Variants in VPS13D observed in about 807,000 individuals in gnomAD.
VPS13D encodes the protein intermembrane lipid transfer protein VPS13D.
In VPS13D, 187 loss-of-function variants were observed where a neutral mutation model predicts 461.9. The ratio of observed to expected loss-of-function variants is 0.40; its 90% CI spans 0.36 to 0.46. The LOEUF (loss-of-function observed/expected upper bound fraction) is 0.46, where lower values mean the gene tolerates loss of function less well. Among genes scored for constraint, VPS13D ranks in the 20% least tolerant of loss-of-function variants. The probability of loss-of-function intolerance (pLI) is 0.60; values close to 1 mark genes in which losing one functional copy is unlikely to be tolerated. For missense variants in VPS13D, 4,711 were observed against 5,364.9 expected (o/e 0.88, Z 3.81); for synonymous variants, 1,951 against 1,986.3 (o/e 0.98, Z 0.47).
intron 24 of VPS13D, among the ~76,000 whole-genome samples, chr1:12,294,993 G>A (rs1477496154): frequency 6.6e-6 from 1 of 151,992 alleles, no homozygotes. Context: ...GGGGCGAGGC[G>A]GGCAAATCAC....
chr1:12,297,614 T>C (rs1482255074), intron 24 of VPS13D, among the ~76,000 whole-genome samples: 1 of 152,216 alleles, frequency 6.6e-6, no homozygotes, highest in African/African-American at 2.4e-5. Flanking sequence ...ATTATTTATA[T>C]TAATGATGCT....
chr1:12,472,093 A>G (rs576961162), intron 67 of VPS13D, among the ~76,000 whole-genome samples: 138 of 152,254 alleles, frequency 9.1e-4, no homozygotes, highest in African/African-American at 3.1e-3. Flanking sequence ...CTATTTTTCT[A>G]TAGTAGTACT....
chr1:12,326,009 T>A (rs1045320569), intron 35 of VPS13D, among the ~76,000 whole-genome samples: 39 of 151,400 alleles, frequency 2.6e-4, no homozygotes, highest in Admixed American at 2.2e-3. Flanking sequence ...TTTTTAAAAT[T>A]TTTTTTGGGG....
intron 55 of VPS13D, among the ~76,000 whole-genome samples, chr1:12,376,888 G>A (rs981687916): frequency 2.6e-5 from 4 of 152,086 alleles, no homozygotes; most frequent in African/African-American, 9.7e-5. Flanking sequence ...AGTTAAGCGT[G>A]CTGACTCTGG....
At chr1:12,321,633 C>T (rs970084754) in intron 32 of VPS13D, among the ~76,000 whole-genome samples, 176 bp from the exon 33 acceptor site, 1 of 152,102 alleles carries the variant, frequency 6.6e-6, no homozygotes, top group Non-Finnish European at 1.5e-5. Flanking sequence ...TGAACCACTG[C>T]GTGTGCTCTC....
Position 12,314,429 on chromosome 1 carries a change from G to C in VPS13D, c.7148+102G>C, listed in dbSNP as rs1404725322. On this transcript the variant is annotated intron_variant, in intron 30 of 69. Coordinates refer to ENST00000620676, the MANE Select transcript of VPS13D (RefSeq NM_015378.4). ...ACATCAAAAAACCAAGGAATCACTA[G>C]ACAGATAAATAGATAATGGCTTAAT... The C allele has an allele frequency of 3.5e-6, 4 of 1,134,144 alleles. No individual in the cohort carries two copies. The African/African-American group carries it at 6.2e-5, about 18-fold the overall frequency. 70.3% of individuals were successfully genotyped at this position (1,134,144 alleles called of 1,614,324 possible).
At chr1:12,260,915 G>A in intron 11 of VPS13D, 33 bp from the exon 12 acceptor site, 4 of 1,613,878 alleles carry the variant, frequency 2.5e-6, no homozygotes, top group Non-Finnish European at 1.7e-6. Flanking sequence ...TTATCTTTGA[G>A]TACTCATCTC....
chr1:12,371,412 C>A (rs1253654123), intron 54 of VPS13D, among the ~76,000 whole-genome samples: 1 of 145,800 alleles, frequency 6.9e-6, no homozygotes, highest in Non-Finnish European at 1.5e-5. Flanking sequence ...TTTTTTGAGA[C>A]CGAGTTTTGC....
intron 63 of VPS13D, among the ~76,000 whole-genome samples, chr1:12,405,445 A>G (rs4845899): frequency 0.026 from 3,927 of 152,272 alleles, 60 homozygotes; most frequent in Middle Eastern, 0.058. Flanking sequence ...TCTGGTCAAC[A>G]TCAGATCACA....
intron 41 of VPS13D, among the ~76,000 whole-genome samples, 189 bp downstream of exon 41, chr1:12,342,074 T>C (rs1643581437): frequency 6.6e-6 from 1 of 152,158 alleles, no homozygotes; most frequent in South Asian, 2.1e-4. Flanking sequence ...GAGAAGCAGG[T>C]CCTGAGTCTA....
At position 12,304,645 on chromosome 1, in the gene VPS13D, A is replaced by G; in HGVS notation, c.6356A>G (p.Lys2119Arg). 1 of 1,614,132 alleles carries G rather than the reference A, an allele frequency of 6.2e-7. No homozygotes were observed. Among genetic ancestry groups the G allele is most frequent in the Non-Finnish European group, 8.5e-7 (1 of 1,180,034 alleles). Residue 2119 changes from lysine (K) to arginine (R), a missense_variant, in exon 26 of 70, where the codon AAG (lysine) becomes AGG (arginine). Physicochemically the swap from Lys to Arg is conservative, Grantham distance 26. Transcript: ENST00000620676. Reference sequence around the variant, plus strand: ...GCTGGAATGAGCCTAGGAAGCCTGAAGAGTGAGTTTGTGCCCAGTACCTCC... The same window carrying G: ...GCTGGAATGAGCCTAGGAAGCCTGAGGAGTGAGTTTGTGCCCAGTACCTCC... Reference protein sequence around the residue: ...PLAGMSLGSLKSEFVPSTSTK... With the variant: ...PLAGMSLGSLRSEFVPSTSTK...
At chr1:12,294,122 T>C (rs2101435735) in intron 24 of VPS13D, among the ~76,000 whole-genome samples, 1 of 152,372 alleles carries the variant, frequency 6.6e-6, no homozygotes, top group Non-Finnish European at 1.5e-5. Flanking sequence ...AAACACCTAA[T>C]GGTATTTCCG....
intron 47 of VPS13D, among the ~76,000 whole-genome samples, chr1:12,354,681 T>C (rs925786869): frequency 6.6e-6 from 1 of 152,368 alleles, no homozygotes; most frequent in East Asian, 1.9e-4. Context: ...AAACTATGCT[T>C]TTCCCAAGCA....
At chr1:12,467,319 A>T (rs1451088280) in intron 67 of VPS13D, among the ~76,000 whole-genome samples, 1 of 152,106 alleles carries the variant, frequency 6.6e-6, no homozygotes, top group Non-Finnish European at 1.5e-5. Flanking sequence ...TGGCAGGCGC[A>T]CGCCACCTCG....
chr1:12,386,719 C>T (rs1644355098), intron 60 of VPS13D, among the ~76,000 whole-genome samples: 1 of 152,144 alleles, frequency 6.6e-6, no homozygotes, highest in African/African-American at 2.4e-5. Flanking sequence ...ACTAAATTTA[C>T]CCTCCCACCT....
At chr1:12,477,239 GT>G (rs1297456106) in intron 67 of VPS13D, among the ~76,000 whole-genome samples, 9 of 148,898 alleles carry the variant, frequency 6.0e-5, no homozygotes, top group Non-Finnish European at 1.2e-4. Flanking sequence ...TATACCTTTG[GT>G]TTGTTTTTGG....
intron 67 of VPS13D, chr1:12,465,331 A>G (rs2100430769): frequency 6.6e-6 from 1 of 152,326 alleles, no homozygotes; most frequent in South Asian, 2.1e-4. Flanking sequence ...TCAAGACCCA[A>G]AAGTGGGGAG....
At position 12,327,734 on chromosome 1, in the gene VPS13D, C is replaced by G. The variant is rs1276636443; in HGVS notation, c.8077C>G (p.Pro2693Ala). 9.3e-6 allele frequency: 15 copies of G among 1,614,140 alleles called. No homozygotes were observed. Among genetic ancestry groups the G allele is most frequent in the Non-Finnish European group, 1.3e-5 (15 of 1,180,024 alleles). Reference sequence around the variant, plus strand: ...CTTGGCCTCCACCAGCCGAGATAGCCCAGGGGCTGTGGCAGCGCCATTGAT... The same window carrying G: ...CTTGGCCTCCACCAGCCGAGATAGCGCAGGGGCTGTGGCAGCGCCATTGAT... ...LSLASTSRDS[P>A]GAVAAPLISG... Residue 2693 changes from proline (P) to alanine (A), a missense_variant, in exon 36 of 70, where the codon CCA (proline) becomes GCA (alanine). This residue lies in a region of VPS13D where 4,411 missense variants were observed against 4,937.8 expected (regional missense o/e 0.89). Transcript: ENST00000620676.
rs1460872061 is a variant in VPS13D at position 12,356,066 on chromosome 1, C to T, written c.9847C>T (p.Pro3283Ser). The change falls in exon 48 of 70, where the codon CCA (proline) becomes TCA (serine). Residue 3283 changes from proline (P) to serine (S), a missense_variant. This residue lies in a region of VPS13D where 4,411 missense variants were observed against 4,937.8 expected (regional missense o/e 0.89). Transcript: ENST00000620676. Reference sequence around the variant, plus strand: ...ATCCTTAAAGATCTTCATTTCTGCTCCATATTGGCTGATTAACAAAACAGG... The same window carrying T: ...ATCCTTAAAGATCTTCATTTCTGCTTCATATTGGCTGATTAACAAAACAGG... Reference protein sequence around the residue: ...EGSLKIFISAPYWLINKTGLP... With the variant: ...EGSLKIFISASYWLINKTGLP... 3 of 1,611,834 alleles carry T rather than the reference C, an allele frequency of 1.9e-6. No individual in the cohort carries two copies. The highest frequency in any genetic ancestry group is 2.5e-6 in the Non-Finnish European group (3 of 1,178,626).
Sources: allele counts gnomAD v4.1 joint callset (sites outside exome capture counted in the v4.1 genomes callset), GRCh38; gene constraint gnomAD v4.1.1; regional missense constraint gnomAD v4.1.1; transcripts MANE v1.5; gene names NCBI Gene and HGNC (gene_info 2026-07-23, HGNC 2026-07-21).